Variants in C1GALT1 observed in about 807,000 individuals in gnomAD.
C1GALT1 encodes glycoprotein-N-acetylgalactosamine 3-beta-galactosyltransferase 1.
C1GALT1 carries 11 observed loss-of-function variants against 31.0 expected under a neutral mutation model. The ratio of observed to expected loss-of-function variants is 0.36; its 90% CI spans 0.22 to 0.59. The LOEUF is 0.59. Among genes scored for constraint, C1GALT1 ranks in the 20% least tolerant of loss-of-function variants. The pLI is 0.79. For synonymous variants in C1GALT1, 175 were observed against 143.6 expected (o/e 1.22, Z -1.56); for missense variants, 424 against 425.2 (o/e 1.00, Z 0.03).
chr7:7,225,040 C>CCACTTCT (rs59100853), intron 1 of C1GALT1, among the ~76,000 whole-genome samples: 1 of 151,364 alleles, frequency 6.6e-6, no homozygotes, highest in African/African-American at 2.4e-5. Flanking sequence ...TGTTTAGTTA[C>CCACTTCT]AAGTGAGAAC....
intron 1 of C1GALT1, among the ~76,000 whole-genome samples, chr7:7,199,046 C>T (rs1370460253): frequency 1.3e-5 from 2 of 152,140 alleles, no homozygotes; most frequent in Non-Finnish European, 2.9e-5. Context: ...TTCAGTTCTG[C>T]TCTGACCTTA....
intron 2 of C1GALT1, among the ~76,000 whole-genome samples, chr7:7,162,483 T>C (rs1780345012): frequency 6.6e-6 from 1 of 151,806 alleles, no homozygotes; most frequent in Admixed American, 6.6e-5. Context: ...CCATGGTGTA[T>C]ATGTGCCACA....
intron 1 of C1GALT1, among the ~76,000 whole-genome samples, chr7:7,197,073 TC>T (rs1363681291): frequency 6.6e-6 from 1 of 152,246 alleles, no homozygotes; most frequent in African/African-American, 2.4e-5. Context: ...TATTTTGGCT[TC>T]TGTGCCATTG....
intron 2 of C1GALT1, chr7:7,234,809 T>C (rs1004944604): frequency 1.2e-5 from 3 of 259,666 alleles, no homozygotes; most frequent in Non-Finnish European, 2.2e-5. Context: ...TTTCTGAAAA[T>C]GTTTTTCTAG....
At chr7:7,173,696 G>A (rs1321614905) in intron 2 of C1GALT1, among the ~76,000 whole-genome samples, 1 of 152,176 alleles carries the variant, frequency 6.6e-6, no homozygotes, top group Non-Finnish European at 1.5e-5. Context: ...AAGCTCAGGA[G>A]TTGAAGACCA....
At chr7:7,163,994 A>G (rs1196473436) in intron 2 of C1GALT1, among the ~76,000 whole-genome samples, 2 of 152,174 alleles carry the variant, frequency 1.3e-5, no homozygotes. Context: ...ACCAAAAAAG[A>G]GCCCGCATCG....
chr7:7,190,941 A>T (rs1191173716), intron 1 of C1GALT1, among the ~76,000 whole-genome samples: 2 of 152,144 alleles, frequency 1.3e-5, no homozygotes, highest in African/African-American at 2.4e-5. Flanking sequence ...CAACATCATT[A>T]TCATTGATAC....
intron 1 of C1GALT1, among the ~76,000 whole-genome samples, chr7:7,221,550 A>C (rs1782512291): frequency 6.6e-6 from 1 of 152,222 alleles, no homozygotes; most frequent in Non-Finnish European, 1.5e-5. Flanking sequence ...TTGGTAATTT[A>C]GACTAGCTAA....
chr7:7,164,076 G>C (rs1477552832), intron 2 of C1GALT1, among the ~76,000 whole-genome samples: 1 of 152,104 alleles, frequency 6.6e-6, no homozygotes, highest in Non-Finnish European at 1.5e-5. Context: ...ATACTACAAG[G>C]CTACAGTGAC....
At chr7:7,213,477 T>G in intron 1 of C1GALT1, among the ~76,000 whole-genome samples, 1 of 152,234 alleles carries the variant, frequency 6.6e-6, no homozygotes, top group East Asian at 1.9e-4. Context: ...TTTGGCAATC[T>G]TATGTGACTA....
At chr7:7,199,460 A>G (rs1781442424) in intron 1 of C1GALT1, among the ~76,000 whole-genome samples, 2 of 152,166 alleles carry the variant, frequency 1.3e-5, no homozygotes, top group Admixed American at 6.5e-5. Flanking sequence ...ACTTCCAACT[A>G]TGTGGTAAGT....
chr7:7,184,018 G>A (rs1780706652), intron 1 of C1GALT1, among the ~76,000 whole-genome samples: 1 of 152,072 alleles, frequency 6.6e-6, no homozygotes, highest in African/African-American at 2.4e-5. Context: ...GTGTGAGTTT[G>A]GGAAGTTGGA....
chr7:7,169,925 T>C (rs1486078535), intron 2 of C1GALT1, among the ~76,000 whole-genome samples: 27 of 152,196 alleles, frequency 1.8e-4, no homozygotes, highest in Admixed American at 1.7e-3. Context: ...TTGAGAAGAA[T>C]TGGTGTTAAT....
At chr7:7,236,801 G>C (rs1489373850) in intron 2 of C1GALT1, among the ~76,000 whole-genome samples, 2 of 152,158 alleles carry the variant, frequency 1.3e-5, no homozygotes, top group Admixed American at 6.5e-5. Flanking sequence ...TGGGATTACA[G>C]GCCTGAGCCA....
chr7:7,223,641 A>G (rs986826319), intron 1 of C1GALT1, among the ~76,000 whole-genome samples: 21 of 151,880 alleles, frequency 1.4e-4, no homozygotes, highest in Non-Finnish European at 2.9e-4. Flanking sequence ...TCTTTGTAGC[A>G]TTTTTCTTTT....
chr7:7,183,168 G>A (rs1433613398), intron 1 of C1GALT1, among the ~76,000 whole-genome samples: 1 of 151,918 alleles, frequency 6.6e-6, no homozygotes, highest in African/African-American at 2.4e-5. Context: ...GGCGCGCAGT[G>A]CGCCCGGACC....
At chr7:7,235,618 G>A (rs1562595402) in intron 2 of C1GALT1, among the ~76,000 whole-genome samples, 1 of 152,290 alleles carries the variant, frequency 6.6e-6, no homozygotes, top group African/African-American at 2.4e-5. Context: ...CTGCAGGCAT[G>A]TGTATTAGAT....
At chr7:7,200,050 A>G (rs1781469909) in intron 1 of C1GALT1, among the ~76,000 whole-genome samples, 1 of 152,196 alleles carries the variant, frequency 6.6e-6, no homozygotes, top group African/African-American at 2.4e-5. Context: ...ATTTAAAGTT[A>G]ATACTGTTAG....
chr7:7,224,661 A>G (rs1201821813), intron 1 of C1GALT1, among the ~76,000 whole-genome samples: 1 of 152,096 alleles, frequency 6.6e-6, no homozygotes, highest in Non-Finnish European at 1.5e-5. Context: ...ATCCTTTGGT[A>G]TCTGCAGGGT....
Sources: allele counts gnomAD v4.1 joint callset (sites outside exome capture counted in the v4.1 genomes callset), GRCh38; gene constraint gnomAD v4.1.1; transcripts MANE v1.5; gene names NCBI Gene and HGNC (gene_info 2026-07-23, HGNC 2026-07-21).